SASH1: variants seen among roughly 807,000 people sequenced by gnomAD.
SASH1 encodes SAM and SH3 domain-containing protein 1.
A neutral mutation model predicts 125.2 loss-of-function variants in SASH1; 44 were observed. That is an observed-to-expected ratio of 0.35 (90% CI 0.28 to 0.45). The LOEUF is 0.45. Ranked by LOEUF, SASH1 falls within the 20% of genes least tolerant of loss-of-function variation. SASH1 has a pLI of 1.00. For synonymous variants in SASH1, 639 were observed against 649.1 expected (o/e 0.98, Z 0.24); for missense variants, 1,426 against 1,614.5 (o/e 0.88, Z 2.00).
intron 1 of SASH1, among the ~76,000 whole-genome samples, chr6:148,330,376 T>C (rs1265471519): frequency 6.6e-6 from 1 of 152,176 alleles, no homozygotes; most frequent in Middle Eastern, 3.2e-3. Context: ...TTAAAATTTA[T>C]TGGAAAAAAA....
At position 148,290,104 on chromosome 6, in the gene SASH1, T is replaced by C. The variant is rs144329791; in HGVS notation, n.74+17727T>C. On this transcript the variant is annotated intron_variant and non_coding_transcript_variant, in intron 1 of 3. Transcript: ENST00000367469. ...ACTGGTCTCAAACTCCTGACCTCAGTTGATCCGCCCACCTCGGCCTCCCAA... is the reference window on the plus strand; with the variant it reads ...ACTGGTCTCAAACTCCTGACCTCAGCTGATCCGCCCACCTCGGCCTCCCAA... 2.9e-4 allele frequency among the ~76,000 whole-genome samples: 44 copies of C among 150,954 alleles called. No homozygotes were observed. The East Asian group carries it at 8.0e-3, about 28-fold the overall frequency.
intron 10 of SASH1, 123 bp downstream of exon 10, chr6:148,520,016 T>C: frequency 1.5e-6 from 1 of 669,020 alleles, no homozygotes; most frequent in South Asian, 2.0e-5. Flanking sequence ...ATACTAATTA[T>C]TCCTGTTCCA....
intron 1 of SASH1, among the ~76,000 whole-genome samples, chr6:148,274,600 C>A (rs1296630479): frequency 1.3e-5 from 2 of 152,114 alleles, no homozygotes; most frequent in African/African-American, 2.4e-5. Flanking sequence ...GAATTATCAG[C>A]CTTAGGAATA....
intron 7 of SASH1, among the ~76,000 whole-genome samples, chr6:148,484,900 A>G (rs1778777893): frequency 6.6e-6 from 1 of 152,178 alleles, no homozygotes. Flanking sequence ...CCGTGATTGC[A>G]CTACTGCACT....
intron 2 of SASH1, among the ~76,000 whole-genome samples, chr6:148,410,099 CTTTTTTTTTTTTTTT>C (rs869081496): frequency 5.4e-5 from 3 of 55,710 alleles, no homozygotes; most frequent in African/African-American, 7.3e-5. Flanking sequence ...CAGAGCAGTC[CTTTTTTTTTTTTTTT>C]TTTTTTTTTT....
At chr6:148,324,077 G>A (rs1351753884) in intron 1 of SASH1, among the ~76,000 whole-genome samples, 1 of 129,482 alleles carries the variant, frequency 7.7e-6, no homozygotes, top group African/African-American at 2.9e-5. Flanking sequence ...CCGAGGTCAT[G>A]CCACTGCACG....
the SASH1 span, among the ~76,000 whole-genome samples, chr6:148,203,175 G>A: frequency 6.6e-6 from 1 of 152,190 alleles, no homozygotes; most frequent in Non-Finnish European, 1.5e-5. Flanking sequence ...ATCTTTCACT[G>A]ATGTGTCTAA....
In SASH1 at chr6:148,533,569, G is replaced by A. The variant is rs752845226; in HGVS notation, c.1735-202G>A. 2.0e-4 allele frequency among the ~76,000 whole-genome samples: 31 copies of A among 152,126 alleles called. No individual in the cohort carries two copies. The highest frequency in any genetic ancestry group is 4.2e-4 in the South Asian group (2 of 4,818). ...TGACCGGGGGCCTGCGTGGAATTCC[G>A]TACAGTCAGAGACACCTGTCTGGCC... On this transcript the variant is annotated intron_variant, in intron 14 of 19. Transcript: ENST00000367467. This position sits in a 1 kb window ranked among gnomAD's most constrained non-coding sequence, Gnocchi z 6.2.
At chr6:148,511,012 A>T (rs1280692328) in intron 8 of SASH1, among the ~76,000 whole-genome samples, 1 of 147,016 alleles carries the variant, frequency 6.8e-6, no homozygotes. Flanking sequence ...AAAAAAAAAA[A>T]AGAAAGACAT....
At chr6:148,407,044 G>T in intron 2 of SASH1, among the ~76,000 whole-genome samples, 1 of 152,000 alleles carries the variant, frequency 6.6e-6, no homozygotes, top group South Asian at 2.1e-4. Flanking sequence ...TATTATTTTA[G>T]TTTTTTAAAA....
chr6:148,339,803 C>T (rs1781269562), upstream of SASH1, among the ~76,000 whole-genome samples: 1 of 152,134 alleles, frequency 6.6e-6, no homozygotes, highest in African/African-American at 2.4e-5. Context: ...CCTCAGTCTC[C>T]CAAAGTGCTG....
the SASH1 span, among the ~76,000 whole-genome samples, chr6:148,233,742 C>CAAAAAAGAAAAAAAAAAAAAA: frequency 1.7e-5 from 1 of 60,534 alleles, no homozygotes; most frequent in Non-Finnish European, 2.9e-5. Flanking sequence ...TTCCTCTCTA[C>CAAAAAAGAAAAAAAAAAAAAA]AAAAAAAAAA....
At chr6:148,543,572 A>G in intron 17 of SASH1, 108 bp from the exon 18 acceptor site, 2 of 889,460 alleles carry the variant, frequency 2.2e-6, no homozygotes, top group South Asian at 3.9e-5. Context: ...GTAATTGAAC[A>G]ATAGGATGTG....
At chr6:148,512,545 A>G (rs1583281004) in intron 8 of SASH1, 1 of 985,320 alleles carries the variant, frequency 1.0e-6, no homozygotes, top group African/African-American at 1.7e-5. Flanking sequence ...CCATTTCATC[A>G]CATGTCAACA....
intron 1 of SASH1, among the ~76,000 whole-genome samples, chr6:148,335,619 G>A (rs986842682): frequency 1.3e-5 from 2 of 151,788 alleles, no homozygotes; most frequent in Non-Finnish European, 2.9e-5. Flanking sequence ...AGGGAGGGAG[G>A]GTTGGATCAT....
chr6:148,401,324 G>GGT (rs1491461973), intron 2 of SASH1, among the ~76,000 whole-genome samples: 11 of 151,910 alleles, frequency 7.2e-5, no homozygotes, highest in Non-Finnish European at 1.3e-4. Flanking sequence ...TATCAGGAAG[G>GGT]ACACACACTA....
At chr6:148,494,471 T>G (rs2115241402) in intron 8 of SASH1, among the ~76,000 whole-genome samples, 1 of 152,222 alleles carries the variant, frequency 6.6e-6, no homozygotes, top group Non-Finnish European at 1.5e-5. Context: ...TCACTTTTGC[T>G]TTTGGGGAGT....
At chr6:148,545,075 A>G (rs1782479308) in intron 18 of SASH1, among the ~76,000 whole-genome samples, 1 of 152,250 alleles carries the variant, frequency 6.6e-6, no homozygotes, top group Admixed American at 6.5e-5. Context: ...CTAGGAGCAA[A>G]TAAAATAAAT....
intron 1 of SASH1, among the ~76,000 whole-genome samples, chr6:148,274,249 G>T (rs1236012489): frequency 1.3e-5 from 2 of 152,098 alleles, no homozygotes; most frequent in Non-Finnish European, 2.9e-5. Context: ...TTCAACTTGG[G>T]GCAGATGGAC....
Sources: allele counts gnomAD v4.1 joint callset (sites outside exome capture counted in the v4.1 genomes callset), GRCh38; gene constraint gnomAD v4.1.1; non-coding constraint Gnocchi (gnomAD v3.1); transcripts MANE v1.5; gene names NCBI Gene and HGNC (gene_info 2026-07-23, HGNC 2026-07-21).